The following NLGN1 variants were observed in gnomAD, a reference collection of about 807,000 sequenced individuals.
NLGN1 encodes neuroligin 1.
A neutral mutation model predicts 65.5 loss-of-function variants in NLGN1; 12 were observed. The observed-to-expected ratio is 0.18, with a 90% CI of 0.12 to 0.30. The LOEUF (loss-of-function observed/expected upper bound fraction) is 0.30. Ranked by LOEUF, NLGN1 falls within the 10% of genes least tolerant of loss-of-function variation. The pLI, the probability that NLGN1 is intolerant of heterozygous loss-of-function variation, is 1.00. For missense variants in NLGN1, 750 were observed against 1,007.1 expected (o/e 0.74, Z 3.46); for synonymous variants, 350 against 359.5 (o/e 0.97, Z 0.30).
At chr3:173,910,432 T>C (rs1579128194) in intron 4 of NLGN1, 1 of 152,196 alleles carries the variant, frequency 6.6e-6, no homozygotes, top group Admixed American at 6.5e-5. Flanking sequence ...GTAATACATA[T>C]GATCATTCTA....
intron 3 of NLGN1, among the ~76,000 whole-genome samples, chr3:173,698,217 A>G (rs1363558016): frequency 2.0e-5 from 3 of 152,220 alleles, no homozygotes; most frequent in African/African-American, 4.8e-5. Flanking sequence ...TTAGACACTC[A>G]ATAAATGAAT....
intron 1 of NLGN1, among the ~76,000 whole-genome samples, chr3:173,405,113 A>G (rs1308828260): frequency 6.6e-6 from 1 of 152,128 alleles, no homozygotes; most frequent in Non-Finnish European, 1.5e-5. Flanking sequence ...TGACTCATTC[A>G]TAGCCATGTT....
At chr3:174,153,419 A>G (rs1359937494) in intron 4 of NLGN1, among the ~76,000 whole-genome samples, 1 of 152,120 alleles carries the variant, frequency 6.6e-6, no homozygotes, top group East Asian at 1.9e-4. Flanking sequence ...ATAGGTATAG[A>G]CAGATGTAGA....
chr3:174,209,882 C>T (rs956228477), intron 4 of NLGN1, among the ~76,000 whole-genome samples: 27 of 151,934 alleles, frequency 1.8e-4, no homozygotes, highest in African/African-American at 6.3e-4. Flanking sequence ...CCACCCGTCT[C>T]GGCCTCCCAA....
chr3:173,437,023 C>T (rs1718264456), intron 2 of NLGN1, among the ~76,000 whole-genome samples: 1 of 152,200 alleles, frequency 6.6e-6, no homozygotes, highest in African/African-American at 2.4e-5. Flanking sequence ...ATTAAAACTT[C>T]TTGAAGTAGA....
chr3:173,994,542 A>G (rs1014674861), intron 4 of NLGN1, among the ~76,000 whole-genome samples: 5 of 150,772 alleles, frequency 3.3e-5, no homozygotes, highest in African/African-American at 9.8e-5. Flanking sequence ...TTTAAAACCT[A>G]TTAAAATTTA....
chr3:174,266,160 G>A (rs1267321223), intron 4 of NLGN1, among the ~76,000 whole-genome samples: 3 of 151,738 alleles, frequency 2.0e-5, no homozygotes, highest in Non-Finnish European at 4.4e-5. Context: ...TTGTGAGCAA[G>A]GTAATGAACA....
At chr3:174,115,039 A>G (rs1268273763) in intron 4 of NLGN1, among the ~76,000 whole-genome samples, 1 of 152,210 alleles carries the variant, frequency 6.6e-6, no homozygotes, top group African/African-American at 2.4e-5. Flanking sequence ...TGCCTGGTTA[A>G]CAAAGGACTG....
At chr3:173,610,586 TATGAG>T (rs1233115031) in intron 3 of NLGN1, among the ~76,000 whole-genome samples, 1 of 151,908 alleles carries the variant, frequency 6.6e-6, no homozygotes, top group Non-Finnish European at 1.5e-5. Context: ...ATTCCAACAT[TATGAG>T]GTCTGGAAGA....
rs1443527868 is a variant in NLGN1, at chr3:174,275,304, A to ATATT, written c.647-9_647-6dup. ...AGCTCAAAACGTGTTTTCTAAATTT[A>ATATT]TATTTTTCAGGTTTCTTGAGTACAG... On this transcript the variant is annotated splice_polypyrimidine_tract_variant and intron_variant, in intron 4 of 6. Transcript: ENST00000457714. 1 of 1,603,182 alleles carries ATATT rather than the reference A, an allele frequency of 6.2e-7. No individual in the cohort carries two copies. The highest frequency in any genetic ancestry group is 8.5e-7 in the Non-Finnish European group (1 of 1,171,548).
chr3:173,535,006 C>T (rs2149198115), intron 2 of NLGN1, among the ~76,000 whole-genome samples: 1 of 152,258 alleles, frequency 6.6e-6, no homozygotes, highest in East Asian at 1.9e-4. Context: ...TAATAACTTA[C>T]AGAGAATAAT....
intron 4 of NLGN1, among the ~76,000 whole-genome samples, chr3:174,107,011 CACACACAGAGAGAGAG>C (rs1328345316): frequency 5.6e-4 from 65 of 115,182 alleles, no homozygotes; most frequent in African/African-American, 2.3e-3. Flanking sequence ...CACACACACA[CACACACAGAGAGAGAG>C]AGAGAGAGAG....
At chr3:173,622,487 G>A (rs1040020556) in intron 3 of NLGN1, among the ~76,000 whole-genome samples, 2 of 151,898 alleles carry the variant, frequency 1.3e-5, no homozygotes, top group Non-Finnish European at 2.9e-5. Context: ...GGAATGGCAA[G>A]GACATCTGGA....
chr3:173,822,845 T>G (rs993466166), intron 4 of NLGN1, among the ~76,000 whole-genome samples: 2 of 152,122 alleles, frequency 1.3e-5, no homozygotes, highest in African/African-American at 2.4e-5. Context: ...TTGTTTTCTC[T>G]TATTCTCTTA....
intron 4 of NLGN1, among the ~76,000 whole-genome samples, chr3:173,839,739 G>A (rs1724413572): frequency 6.6e-6 from 1 of 152,160 alleles, no homozygotes; most frequent in Non-Finnish European, 1.5e-5. Context: ...TTTAAAGCTA[G>A]TGTGCACTTT....
chr3:173,881,419 C>CTTT (rs71162368), intron 4 of NLGN1, among the ~76,000 whole-genome samples: 43 of 80,554 alleles, frequency 5.3e-4, no homozygotes, highest in Admixed American at 6.9e-4. Context: ...TGCTCCACTC[C>CTTT]TTTTTTTTTT....
chr3:173,487,183 A>G (rs1728303809), intron 2 of NLGN1, among the ~76,000 whole-genome samples: 1 of 152,082 alleles, frequency 6.6e-6, no homozygotes, highest in African/African-American at 2.4e-5. Flanking sequence ...ACTGCTGTAG[A>G]TATATCCCAC....
chr3:173,626,927 A>G (rs1304855565), intron 3 of NLGN1, among the ~76,000 whole-genome samples: 1 of 152,088 alleles, frequency 6.6e-6, no homozygotes, highest in Non-Finnish European at 1.5e-5. Flanking sequence ...AAACTATCCT[A>G]GCAGGAGGAA....
chr3:173,811,861 G>A (rs1165804821), intron 4 of NLGN1, among the ~76,000 whole-genome samples: 3 of 152,070 alleles, frequency 2.0e-5, no homozygotes, highest in Non-Finnish European at 4.4e-5. Context: ...TCATTAAAAT[G>A]TTCCAACCAC....
Sources: gnomAD v4.1 joint callset for allele counts (sites outside exome capture counted in the v4.1 genomes callset) on GRCh38, gnomAD v4.1.1 for gene constraint, MANE v1.5 for transcripts, NCBI Gene and HGNC (gene_info 2026-07-23, HGNC 2026-07-21) for gene names.